SCAP: variants seen among roughly 807,000 people sequenced by gnomAD.
The protein encoded by SCAP is sterol regulatory element-binding protein cleavage-activating protein.
SCAP carries 65 observed loss-of-function variants against 123.6 expected under a neutral mutation model. The ratio of observed to expected loss-of-function variants is 0.53; its 90% CI spans 0.43 to 0.65. SCAP has a LOEUF of 0.65. SCAP is among the 30% of genes least tolerant of loss of function. The pLI is 0.00. For synonymous variants in SCAP, 740 were observed against 726.3 expected (o/e 1.02, Z -0.30); for missense variants, 1,398 against 1,712.5 (o/e 0.82, Z 3.24).
intron 1 of SCAP, among the ~76,000 whole-genome samples, chr3:47,448,779 T>A (rs1409646500): frequency 6.6e-6 from 1 of 152,222 alleles, no homozygotes; most frequent in African/African-American, 2.4e-5. Context: ...AATTAATACT[T>A]TAATTATACT....
At chr3:47,459,322 T>C (rs1288901664) in intron 1 of SCAP, among the ~76,000 whole-genome samples, 1 of 152,232 alleles carries the variant, frequency 6.6e-6, no homozygotes, top group Non-Finnish European at 1.5e-5. Flanking sequence ...GCAAGAAGCG[T>C]GCTTTGCTGG....
chr3:47,441,091 G>A (rs548571858), intron 2 of SCAP, among the ~76,000 whole-genome samples: 1 of 152,054 alleles, frequency 6.6e-6, no homozygotes, highest in African/African-American at 2.4e-5. Context: ...TAGTAGAGAC[G>A]AGGTTTCACC....
In SCAP at chr3:47,420,209, A is replaced by G. The variant is rs1292370338; in HGVS notation, c.1563+345T>C. ...GCCCAGCACTTTCCAGTGTCTGCAC[A>G]CCATGCAGCGGCCGATGAACCCGAC... On this transcript the variant is annotated intron_variant, in intron 12 of 22. Transcript: ENST00000265565. The surrounding 1 kb of genome is among the most constrained non-coding windows in gnomAD (Gnocchi z 5.0). 6.6e-6 allele frequency among the ~76,000 whole-genome samples: 1 copy of G among 152,166 alleles called. No individual in the cohort carries two copies. Among genetic ancestry groups the G allele is most frequent in the South Asian group, 2.1e-4 (1 of 4,830 alleles).
chr3:47,426,259 C>T, intron 6 of SCAP, 90 bp from the exon 7 acceptor site: 4 of 1,297,028 alleles, frequency 3.1e-6, no homozygotes, highest in Non-Finnish European at 4.2e-6. Flanking sequence ...CCATCAGGAC[C>T]TCCCTCCTGC....
chr3:47,451,793 A>ACC (rs1707239346), intron 1 of SCAP, among the ~76,000 whole-genome samples: 1 of 122,288 alleles, frequency 8.2e-6, no homozygotes, highest in Admixed American at 9.1e-5. Flanking sequence ...TGAGCTGGAT[A>ACC]CCCTTCTGCA....
At chr3:47,442,729 T>C (rs1706853543) in intron 2 of SCAP, 143 bp downstream of exon 2, 1 of 686,082 alleles carries the variant, frequency 1.5e-6, no homozygotes, top group Non-Finnish European at 2.5e-6. Flanking sequence ...AGGACTAGAG[T>C]TCTCCACTCA....
chr3:47,420,785 C>T lies in SCAP; in HGVS notation c.1345-13G>A. The T allele has an allele frequency of 6.2e-7, 1 of 1,609,632 alleles. No individual in the cohort carries two copies. The highest frequency in any genetic ancestry group is 8.5e-7 in the Non-Finnish European group (1 of 1,178,816). The stretch of plus-strand genomic sequence containing the variant: ...TCAGGTCTGCTAGCTGTTGGGGGCA[C>T]AGTGGTCAGGGCCTGAGTCCACCAT... On this transcript the variant is annotated splice_polypyrimidine_tract_variant and intron_variant, in intron 11 of 22. Coordinates refer to ENST00000265565, the MANE Select transcript of SCAP (RefSeq NM_012235.4). This position sits in a 1 kb window ranked among gnomAD's most constrained non-coding sequence, Gnocchi z 5.0.
At chr3:47,417,866 A>AGGGGGGTGAGAGGGGGCTCGGGGGC in intron 16 of SCAP, 40 bp from the exon 17 acceptor site, 1 of 397,738 alleles carries the variant, frequency 2.5e-6, no homozygotes, top group Non-Finnish European at 3.9e-6. Flanking sequence ...GGCACGGGGG[A>AGGGGGGTGAGAGGGGGCTCGGGGGC]GGGGGGTGAG....
At chr3:47,474,880 C>G (rs1708207509) in intron 1 of SCAP, among the ~76,000 whole-genome samples, 1 of 152,172 alleles carries the variant, frequency 6.6e-6, no homozygotes, top group South Asian at 2.1e-4. Context: ...CACCCTCGAC[C>G]CTGACTCCCT....
At chr3:47,444,221 C>T (rs569784862) in intron 1 of SCAP, among the ~76,000 whole-genome samples, 2 of 152,292 alleles carry the variant, frequency 1.3e-5, no homozygotes, top group African/African-American at 4.8e-5. Context: ...TTTAAACCTA[C>T]TTCTCTTGTT....
chr3:47,465,003 A>G (rs1160834609), intron 1 of SCAP, among the ~76,000 whole-genome samples: 1 of 152,174 alleles, frequency 6.6e-6, no homozygotes, highest in Non-Finnish European at 1.5e-5. Context: ...AAATTAGGAA[A>G]ACATTCCATT....
intron 1 of SCAP, among the ~76,000 whole-genome samples, chr3:47,466,129 TAAAAACCAA>T (rs1227920757): frequency 3.2e-5 from 2 of 62,320 alleles, no homozygotes; most frequent in African/African-American, 1.4e-4. Flanking sequence ...GAGACTGTCT[TAAAAACCAA>T]AAAAAAAAAA....
At chr3:47,425,698 CGAG>C in intron 7 of SCAP, 87 bp from the exon 8 acceptor site, 1 of 1,455,346 alleles carries the variant, frequency 6.9e-7, no homozygotes. Context: ...CCCTGACAGT[CGAG>C]GAAGGGAAAA....
In SCAP at chr3:47,418,285, G is replaced by A. The variant is rs759136549; in HGVS notation, c.2331+36C>T. 17 of 1,553,660 alleles carry A rather than the reference G, an allele frequency of 1.1e-5. No homozygotes were observed. In the Admixed American group the frequency reaches 1.6e-4, roughly 14 times the overall value. On this transcript the variant is annotated intron_variant, in intron 15 of 22. Transcript: ENST00000265565. ...CCGGTGTTGGTATGGGCCAGGCTCC[G>A]GCCCTCCCCTACCCGGCCACTGTGC... is the stretch of plus-strand genomic sequence containing the variant.
At chr3:47,467,130 A>C (rs1707856685) in intron 1 of SCAP, among the ~76,000 whole-genome samples, 1 of 152,050 alleles carries the variant, frequency 6.6e-6, no homozygotes, top group African/African-American at 2.4e-5. Context: ...AATTGTGCAA[A>C]TCACACAATA....
intron 3 of SCAP, among the ~76,000 whole-genome samples, chr3:47,433,346 G>A (rs1706443139): frequency 1.3e-5 from 2 of 152,144 alleles, no homozygotes; most frequent in Non-Finnish European, 2.9e-5. Context: ...TGCAGGGGAT[G>A]AGCGCTCCAA....
intron 2 of SCAP, among the ~76,000 whole-genome samples, chr3:47,438,877 A>C (rs971721607): frequency 2.0e-5 from 3 of 151,958 alleles, no homozygotes; most frequent in African/African-American, 7.2e-5. Flanking sequence ...ATCACAGAGT[A>C]TAGTCAGTTT....
In SCAP at chr3:47,473,080, CAAA is replaced by C. The variant is rs34472664; in HGVS notation, c.-99+2716_-99+2718del. Reference sequence around the variant, plus strand: ...GGGCAAGAAGAGCGAAACTCCATCTCAAAAAAAAAAAAAAAAAAACAGACTGTG... The same window carrying C: ...GGGCAAGAAGAGCGAAACTCCATCTCAAAAAAAAAAAAAAAACAGACTGTG... On this transcript the variant is annotated intron_variant, in intron 1 of 22. Coordinates refer to ENST00000265565, the MANE Select transcript of SCAP (RefSeq NM_012235.4). 8.9e-4 allele frequency among the ~76,000 whole-genome samples: 34 copies of C among 38,056 alleles called. 2 individuals carry two copies. Among genetic ancestry groups the C allele is most frequent in the South Asian group, 3.0e-3 (2 of 662 alleles). The allele number at this position is 38,056 out of a possible 152,430, so 25.0% of individuals were successfully genotyped here.
At chr3:47,445,243 C>CTTTT (rs970206797) in intron 1 of SCAP, among the ~76,000 whole-genome samples, 5 of 111,846 alleles carry the variant, frequency 4.5e-5, no homozygotes, top group East Asian at 2.6e-4. Context: ...GTTTTCAATT[C>CTTTT]TTTTTTTTTT....
Sources: gnomAD v4.1 joint callset for allele counts (sites outside exome capture counted in the v4.1 genomes callset) on GRCh38, gnomAD v4.1.1 for gene constraint, Gnocchi (gnomAD v3.1) non-coding constraint, MANE v1.5 for transcripts, NCBI Gene and HGNC (gene_info 2026-07-23, HGNC 2026-07-21) for gene names.